SUCNR1: variants seen among roughly 807,000 people sequenced by gnomAD.
The protein encoded by SUCNR1 is G-protein coupled receptor 91.
In SUCNR1, 5 loss-of-function variants were observed where a neutral mutation model predicts 2.4. The ratio of observed to expected loss-of-function variants is 2.07; its 90% CI spans 1.08 to 4.36. The LOEUF is 4.36. Among genes scored for constraint, SUCNR1 ranks in the 30% most tolerant of loss-of-function variants. The pLI is 0.00. For missense variants in SUCNR1, 373 were observed against 399.2 expected (o/e 0.93, Z 0.56); for synonymous variants, 162 against 143.9 (o/e 1.13, Z -0.90).
chr3:151,877,045 C>G (rs1220384104), intron 1 of SUCNR1, among the ~76,000 whole-genome samples: 1 of 152,068 alleles, frequency 6.6e-6, no homozygotes, highest in African/African-American at 2.4e-5. Flanking sequence ...CTTGGGAAAC[C>G]TACACTTGAA....
Position 151,879,897 on chromosome 3 carries a change from TG to T in SUCNR1, c.9del (p.Ile4SerfsTer49). 1 of 1,582,858 alleles carries T rather than the reference TG, an allele frequency of 6.3e-7. No homozygotes were observed. Among genetic ancestry groups the T allele is most frequent in the South Asian group, 1.2e-5 (1 of 85,432 alleles). On this transcript the variant is annotated frameshift_variant, in exon 2 of 3. Transcript: ENST00000362032. LOFTEE classifies it low-confidence loss of function (END_TRUNC). ...AATTTGTTGAACAACTACGACATGCTGGGGATCATGGTATGTTTAGAGACAC... is the reference window on the plus strand; with the variant it reads ...AATTTGTTGAACAACTACGACATGCTGGGATCATGGTATGTTTAGAGACAC... M[L>X]GIMAWNATCK...
intron 1 of SUCNR1, among the ~76,000 whole-genome samples, chr3:151,878,341 G>A: frequency 6.6e-6 from 1 of 152,080 alleles, no homozygotes; most frequent in Non-Finnish European, 1.5e-5. Context: ...GACTGACGAT[G>A]AGGAGAAGAA....
At chr3:151,875,464 C>T (rs549240430) in intron 1 of SUCNR1, among the ~76,000 whole-genome samples, 10 of 152,042 alleles carry the variant, frequency 6.6e-5, no homozygotes, top group Non-Finnish European at 1.5e-4. Flanking sequence ...AAATATTGCA[C>T]AGCTCATATT....
At position 151,881,363 on chromosome 3, in the gene SUCNR1, A is replaced by G. The variant is rs1305136309; in HGVS notation, c.820A>G (p.Asn274Asp). Residue 274 changes from asparagine to aspartate, a missense_variant, in exon 3 of 3, where the codon AAC becomes GAC. Around this residue, in one of 3 missense-constraint regions of SUCNR1, gnomAD observed 157 missense variants for 178.7 expected, o/e 0.88. Coordinates refer to ENST00000362032, the MANE Select transcript of SUCNR1 (RefSeq NM_033050.6). ...KQYQCTQVVI[N>D]SFYIVTRPLA... ...GTATCAGTGCACTCAGGTCGTCATC[A>G]ACTCCTTTTACATTGTGACACGGCC... 1.2e-6 allele frequency: 2 copies of G among 1,614,182 alleles called. No individual in the cohort carries two copies. The highest frequency in any genetic ancestry group is 1.7e-6 in the Non-Finnish European group (2 of 1,180,032).
In SUCNR1 at chr3:151,882,103, T is replaced by C. The variant is rs1365791034; in HGVS notation, c.*555T>C. ...CATGAATCGGGGTAGTCTTGTAATT[T>C]ATCTAACCTTTTTGTTGTATGGGTT... On this transcript the variant is annotated 3_prime_UTR_variant, in exon 3 of 3. Transcript: ENST00000362032. 2.0e-5 allele frequency: 3 copies of C among 152,260 alleles called. No individual in the cohort carries two copies. The highest frequency in any genetic ancestry group is 2.9e-5 in the Non-Finnish European group (2 of 68,070). 9.4% of individuals were successfully genotyped at this position (152,260 alleles called of 1,614,324 possible).
chr3:151,879,823 G>A (rs1455557471), intron 1 of SUCNR1, 29 bp from the exon 2 acceptor site: 2 of 1,145,056 alleles, frequency 1.7e-6, no homozygotes, highest in East Asian at 2.6e-5. Context: ...TGAGACTGAA[G>A]TTCTAAAAAT....
rs759950993 is a variant in SUCNR1 at position 151,881,586 on chromosome 3, T to C, written c.*38T>C. The C allele has an allele frequency of 2.6e-6, 4 of 1,532,736 alleles. No individual in the cohort carries two copies. The African/African-American group carries it at 5.5e-5, about 21-fold the overall frequency. 94.9% of individuals were successfully genotyped at this position (1,532,736 alleles called of 1,614,324 possible). A position where few individuals can be genotyped will look rare whatever the true frequency, so the allele number is the denominator to read the frequency against. On this transcript the variant is annotated 3_prime_UTR_variant, in exon 3 of 3. Transcript: ENST00000362032. ...ACAGATTGTTCTACAGATGAATCTG[T>C]AAGCCAGTTACAGTTTGCCTTAACT...
In SUCNR1 at chr3:151,881,500, C is replaced by G. The variant is rs753366185; in HGVS notation, c.957C>G (p.Ser319=). The G allele has an allele frequency of 1.2e-6, 2 of 1,612,222 alleles. No homozygotes were observed. The highest frequency in any genetic ancestry group is 1.7e-6 in the Non-Finnish European group (2 of 1,179,386). ...GACACAACTTCAAATCCCTTACATC[C>G]TTTAGCAGATGGGCTCATGAACTCC... ...QLRHNFKSLT[S]FSRWAHELLL... Residue 319 remains serine, a synonymous_variant, in exon 3 of 3, where the codon TCC becomes TCG. Coordinates refer to ENST00000362032, the MANE Select transcript of SUCNR1 (RefSeq NM_033050.6).
At chr3:151,878,208 C>G (rs1717978648) in intron 1 of SUCNR1, among the ~76,000 whole-genome samples, 3 of 152,000 alleles carry the variant, frequency 2.0e-5, no homozygotes, top group African/African-American at 7.2e-5. Context: ...ATGGCTCTTT[C>G]CAGAAATCAA....
In SUCNR1 at chr3:151,882,006, A is replaced by C. The variant is rs180810090; in HGVS notation, c.*458A>C. 1.3e-5 allele frequency: 2 copies of C among 154,208 alleles called. No individual in the cohort carries two copies. The highest frequency in any genetic ancestry group is 2.9e-5 in the Non-Finnish European group (2 of 69,384). The allele number at this position is 154,208 out of a possible 1,614,324, so 9.6% of individuals were successfully genotyped here. ...TGTGCTGTTAAGCAAATGTAAAGTC[A>C]ACAGTAACAATGATTAAGAAAGGAA... On this transcript the variant is annotated 3_prime_UTR_variant, in exon 3 of 3. Coordinates refer to ENST00000362032, the MANE Select transcript of SUCNR1 (RefSeq NM_033050.6).
chr3:151,880,691 T>TTC lies in SUCNR1; in HGVS notation c.154_155dup (p.Lys53Ter), dbSNP rs751034599. The TTC allele has an allele frequency of 6.8e-6, 11 of 1,614,064 alleles. No homozygotes were observed. The African/African-American group carries it at 1.1e-4, about 16-fold the overall frequency. On this transcript the variant is annotated frameshift_variant, in exon 3 of 3. Transcript: ENST00000362032. LOFTEE classifies it low-confidence loss of function (END_TRUNC). Reference sequence around the variant, plus strand: ...TACCATTGTTGTTTACGGCTACATCTTCTCTCTGAAGAACTGGAACAGCAG... The same window carrying TTC: ...TACCATTGTTGTTTACGGCTACATCTTCTCTCTCTGAAGAACTGGAACAGCAG...
intron 1 of SUCNR1, among the ~76,000 whole-genome samples, chr3:151,874,456 G>A (rs957663165): frequency 6.6e-6 from 1 of 151,838 alleles, no homozygotes; most frequent in Non-Finnish European, 1.5e-5. Context: ...GGGATTCCAG[G>A]CATGAGCCAC....
At position 151,880,910 on chromosome 3, in the gene SUCNR1, A is replaced by G. The variant is rs775124210; in HGVS notation, c.367A>G (p.Ile123Val). ...TTTTATCAGCATAGATCGATACTTG[A>G]TAATTAAGTATCCTTTCCGAGAACA... is the stretch of plus-strand genomic sequence containing the variant. ...LTFISIDRYLIIKYPFREHLL... is the reference protein window; with the variant it reads ...LTFISIDRYLVIKYPFREHLL... The change falls in exon 3 of 3, where the codon ATA (isoleucine) becomes GTA (valine). Residue 123 changes from isoleucine (I) to valine (V), a missense_variant. Transcript: ENST00000362032. 1.9e-6 allele frequency: 3 copies of G among 1,614,000 alleles called. No individual in the cohort carries two copies. The highest frequency in any genetic ancestry group is 2.5e-6 in the Non-Finnish European group (3 of 1,180,040).
rs1471089169 is a variant in SUCNR1, at chr3:151,880,735, C to T, written c.192C>T (p.Asn64=). 1.9e-6 allele frequency: 3 copies of T among 1,613,918 alleles called. No individual in the cohort carries two copies. Among genetic ancestry groups the T allele is most frequent in the African/African-American group, 1.3e-5 (1 of 74,896 alleles). ...ACAGCAGTAATATTTATCTCTTTAA[C>T]CTCTCTGTCTCTGACTTAGCTTTTC... The part of the protein sequence containing the change: ...NWNSSNIYLF[N]LSVSDLAFLC... Residue 64 remains asparagine (N), a synonymous_variant, in exon 3 of 3, where the codon AAC becomes AAT. Coordinates refer to ENST00000362032, the MANE Select transcript of SUCNR1 (RefSeq NM_033050.6).
In SUCNR1 at chr3:151,880,674, T is replaced by C; in HGVS notation, c.131T>C (p.Val44Ala). The change falls in exon 3 of 3, where the codon GTT becomes GCT. Residue 44 changes from valine (V) to alanine (A), a missense_variant. Transcript: ENST00000362032. ...FVVGVLGNTI[V>A]VYGYIFSLKN... ...GTGGGAGTCCTTGGAAATACCATTGTTGTTTACGGCTACATCTTCTCTCTG... is the reference window on the plus strand; with the variant it reads ...GTGGGAGTCCTTGGAAATACCATTGCTGTTTACGGCTACATCTTCTCTCTG... 1 of 1,614,164 alleles carries C rather than the reference T, an allele frequency of 6.2e-7. No individual in the cohort carries two copies. Among genetic ancestry groups the C allele is most frequent in the Non-Finnish European group, 8.5e-7 (1 of 1,179,992 alleles).
At chr3:151,874,790 T>C (rs557210472) in intron 1 of SUCNR1, among the ~76,000 whole-genome samples, 1 of 152,226 alleles carries the variant, frequency 6.6e-6, no homozygotes, top group Non-Finnish European at 1.5e-5. Flanking sequence ...TCAGTGTGAA[T>C]ATATATTTTT....
rs968767283 is a variant in SUCNR1, at chr3:151,883,266, A to G, written c.*1718A>G. On this transcript the variant is annotated 3_prime_UTR_variant, in exon 3 of 3. Coordinates refer to ENST00000362032, the MANE Select transcript of SUCNR1 (RefSeq NM_033050.6). ...TTTCCTTATCAGAAAGGGCCACAGAAAAGGCCTTAAGAAAGAAAGATTCAC... is the reference window on the plus strand; with the variant it reads ...TTTCCTTATCAGAAAGGGCCACAGAGAAGGCCTTAAGAAAGAAAGATTCAC... 7.9e-5 allele frequency: 12 copies of G among 151,532 alleles called. No homozygotes were observed. The highest frequency in any genetic ancestry group is 2.7e-4 in the African/African-American group (11 of 41,358). 9.4% of individuals were successfully genotyped at this position (151,532 alleles called of 1,614,324 possible).
chr3:151,881,221 C>T lies in SUCNR1; in HGVS notation c.678C>T (p.Pro226=), dbSNP rs769224619. ...ATAGGCAGGTTGCTACTGCTCTGCC[C>T]CTTGAAAAGCCTCTCAACTTGGTCA... ...QRNRQVATAL[P]LEKPLNLVIM... is the part of the protein sequence containing the mutation. The change falls in exon 3 of 3, where the codon CCC becomes CCT. Residue 226 remains proline, a synonymous_variant. Transcript: ENST00000362032. 6.2e-7 allele frequency: 1 copy of T among 1,614,008 alleles called. No individual in the cohort carries two copies. The highest frequency in any genetic ancestry group is 8.5e-7 in the Non-Finnish European group (1 of 1,180,014).
chr3:151,881,047 T>C lies in SUCNR1; in HGVS notation c.504T>C (p.Asn168=). The part of the protein sequence containing the change: ...LPLINPVITD[N]GTTCNDFASS... ...TTATAAATCCTGTTATAACTGACAA[T>C]GGCACCACCTGTAATGATTTTGCAA... is the stretch of plus-strand genomic sequence containing the variant. Residue 168 remains asparagine (N), a synonymous_variant, in exon 3 of 3, where the codon AAT becomes AAC. Transcript: ENST00000362032. 6.2e-7 allele frequency: 1 copy of C among 1,614,192 alleles called. No individual in the cohort carries two copies. Among genetic ancestry groups the C allele is most frequent in the Non-Finnish European group, 8.5e-7 (1 of 1,180,020 alleles).
Sources: gnomAD v4.1 joint callset for allele counts (sites outside exome capture counted in the v4.1 genomes callset) on GRCh38, gnomAD v4.1.1 for gene constraint, gnomAD v4.1.1 regional missense constraint, MANE v1.5 for transcripts, NCBI Gene and HGNC (gene_info 2026-07-23, HGNC 2026-07-21) for gene names.